The following IFT88 variants were observed in gnomAD, a reference collection of about 807,000 sequenced individuals.
IFT88 encodes the protein intraflagellar transport 88.
In IFT88, 74 loss-of-function variants were observed where a neutral mutation model predicts 119.5. The observed-to-expected ratio is 0.62, with a 90% CI of 0.51 to 0.75. The LOEUF (loss-of-function observed/expected upper bound fraction) is 0.75, where lower values mean the gene tolerates loss of function less well. Among genes scored for constraint, IFT88 ranks in the 30% least tolerant of loss-of-function variants. The pLI, the probability that IFT88 is intolerant of heterozygous loss-of-function variation, is 0.00. For synonymous variants in IFT88, 279 were observed against 316.7 expected (o/e 0.88, Z 1.26); for missense variants, 961 against 977.7 (o/e 0.98, Z 0.23).
intron 16 of IFT88, among the ~76,000 whole-genome samples, chr13:20,632,727 T>C (rs2140130312): frequency 6.6e-6 from 1 of 152,358 alleles, no homozygotes; most frequent in East Asian, 1.9e-4. Context: ...ATTTTAATGG[T>C]TTATATGTGA....
rs142391624 is a variant in IFT88, at chr13:20,589,912, C to G, written c.210+45C>G. The G allele has an allele frequency of 3.3e-4, 379 of 1,141,642 alleles. 1 individual carries two copies. The African/African-American group carries it at 5.4e-3, about 16-fold the overall frequency. 70.7% of individuals were successfully genotyped at this position (1,141,642 alleles called of 1,614,324 possible). On this transcript the variant is annotated intron_variant, in intron 4 of 25. Coordinates refer to ENST00000351808, the MANE Select transcript of IFT88 (RefSeq NM_006531.5). ...AAATATTAAGATGCTTTTTCTCATA[C>G]AATAGTTCACTTTAGGCAGTTCTGA... is the stretch of plus-strand genomic sequence containing the variant.
chr13:20,608,018 A>C, intron 13 of IFT88: 1 of 569,402 alleles, frequency 1.8e-6, no homozygotes, highest in Non-Finnish European at 3.4e-6. Context: ...ACCAGAGCCC[A>C]CTGGAGAAGC....
At chr13:20,578,690 C>T (rs1005309824) in intron 2 of IFT88, among the ~76,000 whole-genome samples, 9 of 152,124 alleles carry the variant, frequency 5.9e-5, no homozygotes, top group African/African-American at 2.2e-4. Context: ...GCTGGGATTA[C>T]AGGCATGTGC....
chr13:20,593,065 A>G (rs539517852), intron 7 of IFT88, among the ~76,000 whole-genome samples: 1 of 152,290 alleles, frequency 6.6e-6, no homozygotes, highest in African/African-American at 2.4e-5. Flanking sequence ...TTGAGAGGAC[A>G]TTTCAAGGGA....
At chr13:20,613,135 C>T (rs1364959097) in intron 13 of IFT88, among the ~76,000 whole-genome samples, 4 of 152,048 alleles carry the variant, frequency 2.6e-5, no homozygotes, top group African/African-American at 9.7e-5. Context: ...AGGACGCTAT[C>T]CAGAGAGTGA....
At chr13:20,675,829 G>T (rs1327036601) in intron 24 of IFT88, among the ~76,000 whole-genome samples, 1 of 152,220 alleles carries the variant, frequency 6.6e-6, no homozygotes, top group Non-Finnish European at 1.5e-5. Context: ...ATTTTAAAAT[G>T]TACAAATCAT....
chr13:20,633,981 G>A (rs1195398191), intron 16 of IFT88, among the ~76,000 whole-genome samples: 2 of 152,098 alleles, frequency 1.3e-5, no homozygotes, highest in Non-Finnish European at 2.9e-5. Flanking sequence ...CCTTACTCAT[G>A]CAGCTGACAT....
chr13:20,641,121 T>C (rs1034377434), intron 17 of IFT88, among the ~76,000 whole-genome samples, 169 bp from the exon 18 acceptor site: 9 of 152,194 alleles, frequency 5.9e-5, no homozygotes, highest in Admixed American at 5.2e-4. Context: ...CACTCCAGTG[T>C]GGGCAGCAGG....
At chr13:20,639,201 T>A (rs2049477633) in intron 17 of IFT88, among the ~76,000 whole-genome samples, 1 of 152,228 alleles carries the variant, frequency 6.6e-6, no homozygotes, top group South Asian at 2.1e-4. Flanking sequence ...TATTTTTTGC[T>A]TTCTTTGGTT....
intron 1 of IFT88, chr13:20,568,049 C>G: frequency 1.4e-6 from 1 of 710,964 alleles, no homozygotes; most frequent in Non-Finnish European, 2.6e-6. Flanking sequence ...ATAATGCTTC[C>G]AGAAAGTTTA....
intron 22 of IFT88, among the ~76,000 whole-genome samples, chr13:20,656,981 C>G (rs1361198914): frequency 6.6e-6 from 1 of 152,166 alleles, no homozygotes; most frequent in Non-Finnish European, 1.5e-5. Flanking sequence ...GCCTCAGCCT[C>G]CCTAGTAGCT....
chr13:20,651,739 T>C (rs2051743508), intron 20 of IFT88, among the ~76,000 whole-genome samples: 2 of 152,066 alleles, frequency 1.3e-5, no homozygotes, highest in African/African-American at 4.8e-5. Flanking sequence ...AAGGTATAAA[T>C]TGAACTTTAT....
chr13:20,630,913 C>A, intron 15 of IFT88, 103 bp from the exon 16 acceptor site: 1 of 612,086 alleles, frequency 1.6e-6, no homozygotes, highest in Non-Finnish European at 2.9e-6. Context: ...CTTTTGTGCC[C>A]TTCCCTGGTC....
intron 1 of IFT88, among the ~76,000 whole-genome samples, chr13:20,572,166 A>T (rs761064770): frequency 1.3e-5 from 2 of 151,900 alleles, no homozygotes; most frequent in Non-Finnish European, 2.9e-5. Context: ...ACCTTTTTCT[A>T]TAGCTGCTTT....
intron 16 of IFT88, among the ~76,000 whole-genome samples, chr13:20,637,457 A>G (rs1005418745): frequency 6.6e-6 from 1 of 152,164 alleles, no homozygotes; most frequent in Non-Finnish European, 1.5e-5. Context: ...GTGGCCACAC[A>G]TATCTAGCTG....
chr13:20,690,635 A>G (rs2141350961), intron 24 of IFT88, 70 bp from the exon 25 acceptor site: 1 of 995,412 alleles, frequency 1.0e-6, no homozygotes, highest in African/African-American at 1.6e-5. Context: ...AGTATGCTTT[A>G]AGATGCATAA....
At chr13:20,575,711 C>G (rs981538384) in intron 2 of IFT88, among the ~76,000 whole-genome samples, 1 of 152,132 alleles carries the variant, frequency 6.6e-6, no homozygotes, top group African/African-American at 2.4e-5. Flanking sequence ...GAACGATGAG[C>G]CAATCAAACC....
rs147382560 is a variant in IFT88, at chr13:20,687,527, C to T, written c.2243-3178C>T. ...ACCAACTATGCACTCTTGAACAAGT[C>T]ACTTCACTTCACTATCCTAAGCCTG... On this transcript the variant is annotated intron_variant, in intron 24 of 25. Transcript: ENST00000351808. Among the ~76,000 whole-genome samples the T allele has an allele frequency of 1.5e-3, 230 of 152,294 alleles. 1 individual carries two copies. Among genetic ancestry groups the T allele is most frequent in the African/African-American group, 5.4e-3 (223 of 41,550 alleles).
chr13:20,600,416 T>C (rs181599229), intron 11 of IFT88, among the ~76,000 whole-genome samples: 63 of 152,272 alleles, frequency 4.1e-4, no homozygotes, highest in Non-Finnish European at 7.9e-4. Context: ...GGAGGCATAC[T>C]TGATATTGAC....
Sources: gnomAD v4.1 joint callset for allele counts (sites outside exome capture counted in the v4.1 genomes callset) on GRCh38, gnomAD v4.1.1 for gene constraint, MANE v1.5 for transcripts, NCBI Gene and HGNC (gene_info 2026-07-23, HGNC 2026-07-21) for gene names.